RRP1: variants seen among roughly 807,000 people sequenced by gnomAD.
RRP1 encodes the protein ribosomal RNA processing 1, also known as ribosomal RNA processing protein 1 homolog A.
In RRP1, 37 loss-of-function variants were observed where a neutral mutation model predicts 54.6. The ratio of observed to expected loss-of-function variants is 0.68; its 90% CI spans 0.52 to 0.89. The LOEUF (loss-of-function observed/expected upper bound fraction) is 0.89, where lower values mean the gene tolerates loss of function less well. Among genes scored for constraint, RRP1 ranks in the 40% least tolerant of loss-of-function variants. The pLI is 0.00. For missense variants in RRP1, 639 were observed against 612.5 expected (o/e 1.04, Z -0.46); for synonymous variants, 262 against 244.3 (o/e 1.07, Z -0.67).
chr21:43,792,780 G>C (rs1569013226), intron 3 of RRP1, 51 bp downstream of exon 3: 1 of 1,579,498 alleles, frequency 6.3e-7, no homozygotes, highest in Non-Finnish European at 8.7e-7. Context: ...CAGAACCTCT[G>C]AGCATCAGAG....
At chr21:43,793,434 G>C (rs748164271) in intron 4 of RRP1, 30 bp downstream of exon 4, 4 of 1,596,270 alleles carry the variant, frequency 2.5e-6, no homozygotes, top group Non-Finnish European at 2.6e-6. Context: ...GCCGGCGGGC[G>C]GGGGCAGCGC....
At chr21:43,801,466 G>T (rs1057213907) in intron 11 of RRP1, among the ~76,000 whole-genome samples, 2 of 152,182 alleles carry the variant, frequency 1.3e-5, no homozygotes, top group Non-Finnish European at 2.9e-5. Context: ...GTAGTCCAGG[G>T]TTTGGTTTTT....
Position 43,793,214 on chromosome 21 carries a change from T to G in RRP1, c.275-105T>G. Reference sequence around the variant, plus strand: ...GGTAGGGCCTGGGCATCAGCATTTTTTATCTATAGCTATGTAAAGAACGGG... The same window carrying G: ...GGTAGGGCCTGGGCATCAGCATTTTGTATCTATAGCTATGTAAAGAACGGG... On this transcript the variant is annotated intron_variant, in intron 3 of 12. Transcript: ENST00000497547. 5 of 975,454 alleles carry G rather than the reference T, an allele frequency of 5.1e-6. No individual in the cohort carries two copies. In the South Asian group the frequency reaches 5.8e-5, roughly 11 times the overall value. The allele number at this position is 975,454 out of a possible 1,614,324, so 60.4% of individuals were successfully genotyped here. A position where few individuals can be genotyped will look rare whatever the true frequency, so the allele number is the denominator to read the frequency against.
rs1386106327 is a variant in RRP1 at position 43,795,472 on chromosome 21, T to C, written c.422+222T>C. Among the ~76,000 whole-genome samples the C allele has an allele frequency of 2.0e-5, 3 of 152,180 alleles. No individual in the cohort carries two copies. The East Asian group carries it at 5.8e-4, about 29-fold the overall frequency. On this transcript the variant is annotated intron_variant, in intron 5 of 12. Coordinates refer to ENST00000497547, the MANE Select transcript of RRP1 (RefSeq NM_003683.6). Reference sequence around the variant, plus strand: ...CTTGGAGGCCAGTTCTCACTGGGAGTCAGAAGGGAGTTTTTTAATGAAAGG... The same window carrying C: ...CTTGGAGGCCAGTTCTCACTGGGAGCCAGAAGGGAGTTTTTTAATGAAAGG...
chr21:43,792,679 T>C lies in RRP1; in HGVS notation c.224T>C (p.Leu75Ser). ...TTGTTGTTTCCTACACAGGAAGAAT[T>C]AGGAAGGACTATTTCCCAGCTCGTT... ...MQDKPLLQEE[L>S]GRTISQLVHA... Residue 75 changes from leucine (L) to serine (S), a missense_variant, in exon 3 of 13, where the codon TTA becomes TCA. Physicochemically the swap from Leu to Ser is moderately radical, Grantham distance 145. Coordinates refer to ENST00000497547, the MANE Select transcript of RRP1 (RefSeq NM_003683.6). 1.9e-6 allele frequency: 3 copies of C among 1,613,990 alleles called. No individual in the cohort carries two copies. The Middle Eastern group carries it at 5.0e-4, about 266-fold the overall frequency.
rs2123420683 is a variant in RRP1, at chr21:43,800,866, C to G, written c.994C>G (p.Gln332Glu). Residue 332 changes from glutamine to glutamate, a missense_variant, in exon 11 of 13, where the codon CAG (glutamine) becomes GAG (glutamate). Transcript: ENST00000497547. ...GTATCTGTCTTACTCTTTCAGGCTG[C>G]AGGACCTGGCAGGAGGTGAGGATCG... Reference protein sequence around the residue: ...KRLYKVIRKLQDLAGGIFPED... With the variant: ...KRLYKVIRKLEDLAGGIFPED... The G allele has an allele frequency of 6.2e-7, 1 of 1,613,708 alleles. No homozygotes were observed. Among genetic ancestry groups the G allele is most frequent in the South Asian group, 1.1e-5 (1 of 91,092 alleles).
chr21:43,797,772 C>T, intron 7 of RRP1, 77 bp downstream of exon 7: 1 of 1,585,128 alleles, frequency 6.3e-7, no homozygotes. Context: ...GGGGGTGCTG[C>T]TCCCTCGAGG....
intron 2 of RRP1, 130 bp from the exon 3 acceptor site, chr21:43,792,542 T>C (rs1461328315): frequency 5.7e-6 from 5 of 881,086 alleles, no homozygotes; most frequent in Non-Finnish European, 7.5e-6. Context: ...TGCACTGAGC[T>C]GAGACCCCCT....
Position 43,790,846 on chromosome 21 carries a change from A to G in RRP1, c.134-504A>G, listed in dbSNP as rs931760474. The stretch of plus-strand genomic sequence containing the variant: ...TCAAGTGATCCTGCCTCAGCACTCA[A>G]TTCCAAAGTGCTGGGAGTACAGGCG... On this transcript the variant is annotated intron_variant, in intron 1 of 12. Coordinates refer to ENST00000497547, the MANE Select transcript of RRP1 (RefSeq NM_003683.6). 26 of 367,024 alleles carry G rather than the reference A, an allele frequency of 7.1e-5. No homozygotes were observed. The Admixed American group carries it at 7.6e-4, about 11-fold the overall frequency. 22.7% of individuals were successfully genotyped at this position (367,024 alleles called of 1,614,324 possible).
chr21:43,804,923 G>T lies in RRP1; in HGVS notation c.*1149G>T. 6.6e-6 allele frequency: 1 copy of T among 152,504 alleles called. No homozygotes were observed. 9.4% of individuals were successfully genotyped at this position (152,504 alleles called of 1,614,324 possible). A position where few individuals can be genotyped will look rare whatever the true frequency, so the allele number is the denominator to read the frequency against. ...GGCTTAGGGCACAGTTAGGGGCCAA[G>T]GAGAGGGAAGGCCAGGGCCCCTGTT... is the stretch of plus-strand genomic sequence containing the variant. On this transcript the variant is annotated 3_prime_UTR_variant, in exon 13 of 13. Transcript: ENST00000497547. The surrounding 1 kb of genome is among the most constrained non-coding windows in gnomAD (Gnocchi z 4.3).
chr21:43,794,279 G>A (rs2084992384), intron 4 of RRP1, among the ~76,000 whole-genome samples: 1 of 152,196 alleles, frequency 6.6e-6, no homozygotes, highest in African/African-American at 2.4e-5. Context: ...CAGACAGAGT[G>A]CAGACTCTTA....
At position 43,799,646 on chromosome 21, in the gene RRP1, C is replaced by T; in HGVS notation, c.888C>T (p.Leu296=). Residue 296 remains leucine (L), a synonymous_variant, in exon 9 of 13, where the codon CTC becomes CTT. Coordinates refer to ENST00000497547, the MANE Select transcript of RRP1 (RefSeq NM_003683.6). ...GDDRDSGGPV[L]QFDYEAVANR... ...ACAGGGACAGTGGCGGCCCCGTTCT[C>T]CAGGTGGGTTCCCTGGGCTCATGGC... 6.2e-7 allele frequency: 1 copy of T among 1,608,584 alleles called. No homozygotes were observed. The highest frequency in any genetic ancestry group is 8.5e-7 in the Non-Finnish European group (1 of 1,178,888).
chr21:43,798,506 C>G (rs975069186), intron 8 of RRP1, among the ~76,000 whole-genome samples: 3 of 152,192 alleles, frequency 2.0e-5, no homozygotes, highest in Admixed American at 2.0e-4. Flanking sequence ...CATAGCGTCA[C>G]TCTGTGGCAC....
chr21:43,795,672 C>A (rs944550258), intron 5 of RRP1, among the ~76,000 whole-genome samples: 3 of 152,186 alleles, frequency 2.0e-5, no homozygotes, highest in Admixed American at 2.0e-4. Flanking sequence ...CCTCAGCCGC[C>A]CAACTGGCTG....
rs1015503684 is a variant in RRP1 at position 43,803,494 on chromosome 21, G to T, written c.1124-18G>T. ...GTGTTGGCATTCTCTGGCTCATGGG[G>T]TCTTGCTGTTTTGTCAGGGAAAGGT... On this transcript the variant is annotated intron_variant, in intron 12 of 12. Coordinates refer to ENST00000497547, the MANE Select transcript of RRP1 (RefSeq NM_003683.6). The T allele has an allele frequency of 6.5e-7, 1 of 1,537,598 alleles. No individual in the cohort carries two copies. The highest frequency in any genetic ancestry group is 8.8e-7 in the Non-Finnish European group (1 of 1,137,040).
chr21:43,799,965 C>T (rs1390557032), intron 9 of RRP1, among the ~76,000 whole-genome samples: 7 of 152,210 alleles, frequency 4.6e-5, no homozygotes, highest in Admixed American at 4.6e-4. Context: ...GGGCAGCCCC[C>T]CAGATTTCCT....
At chr21:43,791,208 G>T in intron 1 of RRP1, 142 bp from the exon 2 acceptor site, 1 of 818,916 alleles carries the variant, frequency 1.2e-6, no homozygotes. Context: ...TGTTTGAAGG[G>T]GAGGGCCAGA....
At chr21:43,802,157 G>A (rs1247990499) in intron 11 of RRP1, 117 bp from the exon 12 acceptor site, 2 of 695,006 alleles carry the variant, frequency 2.9e-6, no homozygotes, top group South Asian at 1.7e-5. Flanking sequence ...AGAACAGGGC[G>A]CTTTCTCACA....
In RRP1 at chr21:43,802,104, G is replaced by A. The variant is rs565707485; in HGVS notation, c.1010-170G>A. 3.1e-5 allele frequency: 18 copies of A among 589,060 alleles called. No individual in the cohort carries two copies. The Admixed American group carries it at 3.7e-4, about 12-fold the overall frequency. The allele number at this position is 589,060 out of a possible 1,614,324, so 36.5% of individuals were successfully genotyped here. On this transcript the variant is annotated intron_variant, in intron 11 of 12. Transcript: ENST00000497547. Reference sequence around the variant, plus strand: ...GATGGGCTTGGGTCTCAGCTGGTTCGTTTCAGCTGTGGCGGGTACTGAACA... The same window carrying A: ...GATGGGCTTGGGTCTCAGCTGGTTCATTTCAGCTGTGGCGGGTACTGAACA...
Sources: allele counts gnomAD v4.1 joint callset (sites outside exome capture counted in the v4.1 genomes callset), GRCh38; gene constraint gnomAD v4.1.1; non-coding constraint Gnocchi (gnomAD v3.1); transcripts MANE v1.5; gene names NCBI Gene and HGNC (gene_info 2026-07-23, HGNC 2026-07-21).